The following ST6GALNAC3 variants were observed in gnomAD, a reference collection of about 807,000 sequenced individuals.
ST6GALNAC3 encodes the protein alpha-N-acetylgalactosaminide alpha-2,6-sialyltransferase 3.
A neutral mutation model predicts 32.7 loss-of-function variants in ST6GALNAC3; 25 were observed. That is an observed-to-expected ratio of 0.76 (90% CI 0.56 to 1.07). The LOEUF is 1.07. Among genes scored for constraint, ST6GALNAC3 ranks in the 50% least tolerant of loss-of-function variants. The pLI is 0.00. For missense variants in ST6GALNAC3, 355 were observed against 382.4 expected, an observed-to-expected ratio of 0.93 and a Z score of 0.60; for synonymous variants, 129 against 133.1, an observed-to-expected ratio of 0.97 and a Z score of 0.21.
intron 1 of ST6GALNAC3, among the ~76,000 whole-genome samples, chr1:76,155,295 C>G (rs911344048): frequency 7.2e-5 from 11 of 152,200 alleles, no homozygotes; most frequent in African/African-American, 2.7e-4. Flanking sequence ...TGCGCCTACA[C>G]TGGAGCCATG....
intron 1 of ST6GALNAC3, among the ~76,000 whole-genome samples, chr1:76,075,702 C>T (rs977052545): frequency 7.0e-6 from 1 of 142,300 alleles, no homozygotes; most frequent in Non-Finnish European, 1.5e-5. Flanking sequence ...AGAGGCCTCC[C>T]CTGCCCTCGT....
intron 1 of ST6GALNAC3, among the ~76,000 whole-genome samples, chr1:76,086,179 A>T (rs555168983): frequency 6.6e-6 from 1 of 152,330 alleles, no homozygotes; most frequent in East Asian, 1.9e-4. Context: ...TTGCTGGCTA[A>T]CAGGGAGAAT....
chr1:76,210,392 A>T (rs906818150), intron 1 of ST6GALNAC3, among the ~76,000 whole-genome samples: 1 of 152,164 alleles, frequency 6.6e-6, no homozygotes, highest in African/African-American at 2.4e-5. Flanking sequence ...ATTTCTATTT[A>T]GCAGGTGTTT....
intron 1 of ST6GALNAC3, among the ~76,000 whole-genome samples, chr1:76,222,112 C>G (rs1308553938): frequency 6.6e-6 from 1 of 152,054 alleles, no homozygotes; most frequent in East Asian, 1.9e-4. Context: ...AGTTCTATCT[C>G]TAAGCATTAA....
In ST6GALNAC3 at chr1:76,137,524, T is replaced by C. The variant is rs183723978; in HGVS notation, c.18+62640T>C. Among the ~76,000 whole-genome samples, 56 of 152,310 alleles carry C rather than the reference T, an allele frequency of 3.7e-4. No homozygotes were observed. In the East Asian group the frequency reaches 0.01, roughly 28 times the overall value. ...ACAAATGCAATGAAAGATCAGGACA[T>C]TTTGTTCAAAGTAGAAATTTCAAGT... On this transcript the variant is annotated intron_variant, in intron 1 of 4. Transcript: ENST00000328299.
At chr1:76,290,504 G>T (rs1436650528) in intron 1 of ST6GALNAC3, among the ~76,000 whole-genome samples, 2 of 152,176 alleles carry the variant, frequency 1.3e-5, no homozygotes, top group East Asian at 3.9e-4. Flanking sequence ...TTTAACCACA[G>T]CTACGAATGC....
intron 3 of ST6GALNAC3, among the ~76,000 whole-genome samples, chr1:76,523,805 C>G (rs1399755738): frequency 6.6e-6 from 1 of 152,080 alleles, no homozygotes; most frequent in Non-Finnish European, 1.5e-5. Context: ...TCAGTTGTGT[C>G]TTGAGCCTCT....
intron 3 of ST6GALNAC3, among the ~76,000 whole-genome samples, chr1:76,565,133 T>C (rs1467509129): frequency 3.3e-5 from 5 of 152,158 alleles, no homozygotes; most frequent in Admixed American, 3.3e-4. Context: ...GGAGGGTGCC[T>C]GTGCCTTTTG....
intron 1 of ST6GALNAC3, among the ~76,000 whole-genome samples, chr1:76,215,727 G>A (rs1655418794): frequency 6.6e-6 from 1 of 152,216 alleles, no homozygotes; most frequent in Non-Finnish European, 1.5e-5. Flanking sequence ...CAAAAAGTTT[G>A]TCCTGAAGAA....
chr1:76,243,211 T>C (rs995051693), intron 1 of ST6GALNAC3, among the ~76,000 whole-genome samples: 14 of 152,234 alleles, frequency 9.2e-5, no homozygotes, highest in African/African-American at 3.4e-4. Flanking sequence ...ACCATGATAA[T>C]GAGCTTTTTT....
At chr1:76,491,972 T>C (rs1660528931) in intron 3 of ST6GALNAC3, among the ~76,000 whole-genome samples, 3 of 152,230 alleles carry the variant, frequency 2.0e-5, no homozygotes, top group South Asian at 2.1e-4. Context: ...AAGCTGAGTG[T>C]TCAGCCAAAA....
chr1:76,398,547 G>A (rs61586481), intron 2 of ST6GALNAC3, among the ~76,000 whole-genome samples: 31,240 of 151,998 alleles, frequency 0.21, 3,813 homozygotes, highest in East Asian at 0.6. Flanking sequence ...TCTGGCTTTT[G>A]CTGAATATAA....
At chr1:76,624,465 G>A (rs1382752992) in intron 3 of ST6GALNAC3, among the ~76,000 whole-genome samples, 2 of 151,926 alleles carry the variant, frequency 1.3e-5, no homozygotes, top group African/African-American at 4.8e-5. Context: ...AGAAACGACT[G>A]TGTGGGCTAG....
intron 2 of ST6GALNAC3, among the ~76,000 whole-genome samples, chr1:76,395,721 T>C (rs1211153757): frequency 7.2e-5 from 11 of 152,104 alleles, no homozygotes. Context: ...AAGCCAGGCA[T>C]AGAATGACAA....
At chr1:76,593,133 A>G (rs973176683) in intron 3 of ST6GALNAC3, among the ~76,000 whole-genome samples, 4 of 152,218 alleles carry the variant, frequency 2.6e-5, no homozygotes, top group Non-Finnish European at 5.9e-5. Context: ...GAGGACAAGA[A>G]CAGAAGAATT....
rs543851503 is a variant in ST6GALNAC3, at chr1:76,470,245, C to G, written c.623+57828C>G. Among the ~76,000 whole-genome samples, 173 of 152,074 alleles carry G rather than the reference C, an allele frequency of 1.1e-3. 1 individual carries two copies. Among genetic ancestry groups the G allele is most frequent in the African/African-American group, 4.1e-3 (171 of 41,502 alleles). ...TTGCTTTGCCATTCTGTGCCTAGCA[C>G]TGTGAATCTCTGTAACTGACTTGAT... On this transcript the variant is annotated intron_variant, in intron 3 of 4. Transcript: ENST00000328299.
chr1:76,256,851 A>G (rs1030304241), intron 1 of ST6GALNAC3, among the ~76,000 whole-genome samples: 3 of 152,144 alleles, frequency 2.0e-5, no homozygotes, highest in African/African-American at 7.2e-5. Flanking sequence ...TCCAGTCACA[A>G]AAGTTAAAAT....
At chr1:76,383,511 A>G (rs1394337119) in intron 2 of ST6GALNAC3, among the ~76,000 whole-genome samples, 2 of 151,312 alleles carry the variant, frequency 1.3e-5, no homozygotes, top group African/African-American at 2.4e-5. Context: ...GGCTCAAACA[A>G]TCCTCTGACC....
At chr1:76,103,285 G>T (rs1647311084) in intron 1 of ST6GALNAC3, among the ~76,000 whole-genome samples, 1 of 151,660 alleles carries the variant, frequency 6.6e-6, no homozygotes, top group Non-Finnish European at 1.5e-5. Flanking sequence ...GTCAAATATT[G>T]CTTTTCCCCA....
Sources: gnomAD v4.1 joint callset for allele counts (sites outside exome capture counted in the v4.1 genomes callset) on GRCh38, gnomAD v4.1.1 for gene constraint, MANE v1.5 for transcripts, NCBI Gene and HGNC (gene_info 2026-07-23, HGNC 2026-07-21) for gene names.